Variants in PMFBP1 observed in about 807,000 individuals in gnomAD.
PMFBP1 encodes the protein polyamine-modulated factor 1-binding protein 1.
In PMFBP1, 131 loss-of-function variants were observed where a neutral mutation model predicts 137.8. The ratio of observed to expected loss-of-function variants is 0.95; its 90% CI spans 0.82 to 1.10. The LOEUF (loss-of-function observed/expected upper bound fraction) is 1.10, where lower values mean the gene tolerates loss of function less well. Ranked by LOEUF, PMFBP1 falls within the 50% of genes least tolerant of loss-of-function variation. The probability of loss-of-function intolerance (pLI) is 0.00; values close to 1 mark genes in which losing one functional copy is unlikely to be tolerated. For synonymous variants in PMFBP1, 490 were observed against 450.4 expected (o/e 1.09, Z -1.11); for missense variants, 1,199 against 1,175.4 (o/e 1.02, Z -0.29).
the PMFBP1 span, among the ~76,000 whole-genome samples, chr16:72,217,043 G>A: frequency 2.0e-5 from 3 of 152,074 alleles, no homozygotes; most frequent in Non-Finnish European, 2.9e-5. Context: ...GTTTTCCCTG[G>A]GCAGAGATGA....
chr16:72,196,286 TG>T, the PMFBP1 span, among the ~76,000 whole-genome samples: 2 of 152,140 alleles, frequency 1.3e-5, no homozygotes, highest in African/African-American at 4.8e-5. Context: ...GTTGGGTGTC[TG>T]GGCAACACTC....
At chr16:72,137,665 T>C (rs565201991) in intron 7 of PMFBP1, among the ~76,000 whole-genome samples, 3 of 152,066 alleles carry the variant, frequency 2.0e-5, no homozygotes, top group African/African-American at 7.2e-5. Context: ...AGCTGGGTGG[T>C]CACATCACCT....
At chr16:72,216,161 G>T in the PMFBP1 span, among the ~76,000 whole-genome samples, 1 of 152,052 alleles carries the variant, frequency 6.6e-6, no homozygotes, top group African/African-American at 2.4e-5. Context: ...GAGTGTTGAG[G>T]GCTCTGAGGA....
chr16:72,178,145 G>A (rs7191623), upstream of PMFBP1, among the ~76,000 whole-genome samples: 39,382 of 151,898 alleles, frequency 0.26, 5,437 homozygotes, highest in South Asian at 0.38. Flanking sequence ...TGGCTGCTTC[G>A]GTCTCCCAAA....
the PMFBP1 span, among the ~76,000 whole-genome samples, chr16:72,226,082 C>G: frequency 1.3e-5 from 2 of 152,118 alleles, no homozygotes; most frequent in Non-Finnish European, 2.9e-5. Context: ...ACATGGTCAT[C>G]CCCAGCTGAA....
At chr16:72,147,059 T>C (rs2144387822) in intron 5 of PMFBP1, among the ~76,000 whole-genome samples, 2 of 152,330 alleles carry the variant, frequency 1.3e-5, no homozygotes, top group Middle Eastern at 3.4e-3. Context: ...AGAGCCCGCA[T>C]AGCCAAGACA....
the PMFBP1 span, among the ~76,000 whole-genome samples, chr16:72,184,857 A>T: frequency 6.6e-6 from 1 of 152,092 alleles, no homozygotes; most frequent in Non-Finnish European, 1.5e-5. Context: ...TTAATCTTCT[A>T]TGTTGGTCCT....
Position 72,164,851 on chromosome 16 carries a change from G to C in PMFBP1, c.78C>G (p.Ile26Met). ...NSKLLSLQLD[I>M]KNLHDVCKRQ... Reference sequence around the variant, plus strand: ...TCTTGCAGACATCGTGCAGATTCTTGATGTCAAGTTGCAGGCTTAACAGCT... The same window carrying C: ...TCTTGCAGACATCGTGCAGATTCTTCATGTCAAGTTGCAGGCTTAACAGCT... Residue 26 changes from isoleucine to methionine, a missense_variant, in exon 3 of 21, where the codon ATC becomes ATG. Physicochemically the swap from Ile to Met is conservative, Grantham distance 10. Transcript: ENST00000237353. The C allele has an allele frequency of 6.2e-7, 1 of 1,609,972 alleles. No individual in the cohort carries two copies. The highest frequency in any genetic ancestry group is 8.5e-7 in the Non-Finnish European group (1 of 1,176,570).
At position 72,120,081 on chromosome 16, in the gene PMFBP1, T is replaced by G. The variant is rs140818548; in HGVS notation, c.2777A>C (p.His926Pro). 3.2e-5 allele frequency: 52 copies of G among 1,614,176 alleles called. No homozygotes were observed. The African/African-American group carries it at 6.7e-4, about 21-fold the overall frequency. Reference sequence around the variant, plus strand: ...CTGCTGCAAGTGGACCATTACACTGTGGAGGTGGCTGTGGGAAGGAGAGGA... The same window carrying G: ...CTGCTGCAAGTGGACCATTACACTGGGGAGGTGGCTGTGGGAAGGAGAGGA... ...AKLSGEKDHL[H>P]SVMVHLQQEN... is the part of the protein sequence containing the mutation. Residue 926 changes from histidine (H) to proline (P), a missense_variant, in exon 20 of 21, where the codon CAC becomes CCC. Transcript: ENST00000237353.
At chr16:72,180,520 G>C (rs2043272501), upstream of PMFBP1, among the ~76,000 whole-genome samples, 1 of 152,056 alleles carries the variant, frequency 6.6e-6, no homozygotes, top group Non-Finnish European at 1.5e-5. Context: ...CCAACCAAAA[G>C]GGTAAAAATA....
At chr16:72,216,630 G>C in the PMFBP1 span, among the ~76,000 whole-genome samples, 1 of 152,196 alleles carries the variant, frequency 6.6e-6, no homozygotes, top group Non-Finnish European at 1.5e-5. Context: ...AAACTCAGGA[G>C]AGAATTAGCA....
intron 3 of PMFBP1, among the ~76,000 whole-genome samples, chr16:72,161,851 A>C (rs954795185): frequency 1.3e-5 from 2 of 152,194 alleles, no homozygotes; most frequent in African/African-American, 4.8e-5. Context: ...CAATGATTCA[A>C]AACGATACTG....
rs1567629150 is a variant in PMFBP1 at position 72,140,447 on chromosome 16, C to A, written c.772G>T (p.Glu258Ter). 6.2e-7 allele frequency: 1 copy of A among 1,614,086 alleles called. No homozygotes were observed. The highest frequency in any genetic ancestry group is 8.5e-7 in the Non-Finnish European group (1 of 1,179,950). ...KVSQQDDLIQ[E>*]LRNKLACSNA... ...CTGCAGGCCAGCTTATTTCGAAGTTCTTGAATGAGATCATCCTGTTGAGAG... is the reference window on the plus strand; with the variant it reads ...CTGCAGGCCAGCTTATTTCGAAGTTATTGAATGAGATCATCCTGTTGAGAG... The change falls in exon 6 of 21, where the codon GAA (glutamate) becomes TAA (stop). Residue 258 changes from glutamate to a stop codon, truncating the protein, a stop_gained. Coordinates refer to ENST00000237353, the MANE Select transcript of PMFBP1 (RefSeq NM_031293.3). LOFTEE classifies it high-confidence loss of function.
At chr16:72,237,322 A>G in the PMFBP1 span, among the ~76,000 whole-genome samples, 1 of 152,094 alleles carries the variant, frequency 6.6e-6, no homozygotes, top group Admixed American at 6.6e-5. Flanking sequence ...ATTTCTTCTC[A>G]TTATCCTCCT....
the PMFBP1 span, among the ~76,000 whole-genome samples, chr16:72,183,376 G>A: frequency 6.6e-6 from 1 of 152,166 alleles, no homozygotes; most frequent in African/African-American, 2.4e-5. Context: ...CCTTCTAAGG[G>A]CTGTGATGGA....
chr16:72,150,567 C>A, intron 5 of PMFBP1, 41 bp downstream of exon 5: 1 of 1,588,496 alleles, frequency 6.3e-7, no homozygotes. Context: ...CCTGGGAGCA[C>A]ATCCACTTGC....
At chr16:72,177,179 C>CTCTT (rs1339101525), upstream of PMFBP1, among the ~76,000 whole-genome samples, 1 of 152,180 alleles carries the variant, frequency 6.6e-6, no homozygotes, top group African/African-American at 2.4e-5. Flanking sequence ...CAATTGGTTG[C>CTCTT]TCTTTCTTTC....
intron 7 of PMFBP1, among the ~76,000 whole-genome samples, chr16:72,137,249 T>A (rs770550337): frequency 2.6e-5 from 4 of 152,208 alleles, no homozygotes; most frequent in Non-Finnish European, 4.4e-5. Flanking sequence ...TGCCCGGCAC[T>A]GTCCTGGGTG....
the PMFBP1 span, among the ~76,000 whole-genome samples, chr16:72,183,617 G>A: frequency 6.6e-6 from 1 of 152,112 alleles, no homozygotes; most frequent in Non-Finnish European, 1.5e-5. Context: ...CTGCAATGAT[G>A]CTATTTCCAA....
Sources: allele counts gnomAD v4.1 joint callset (sites outside exome capture counted in the v4.1 genomes callset), GRCh38; gene constraint gnomAD v4.1.1; transcripts MANE v1.5; gene names NCBI Gene and HGNC (gene_info 2026-07-23, HGNC 2026-07-21).